Variants in PRKG1 observed in about 807,000 individuals in gnomAD.
The protein encoded by PRKG1 is protein kinase cGMP-dependent 1, also known as cGMP-dependent protein kinase 1.
A neutral mutation model predicts 88.1 loss-of-function variants in PRKG1; 35 were observed. The ratio of observed to expected loss-of-function variants is 0.40; its 90% confidence interval spans 0.30 to 0.53. The LOEUF (loss-of-function observed/expected upper bound fraction) is 0.53. PRKG1 is among the 20% of genes least tolerant of loss of function. PRKG1 has a pLI of 0.59. For synonymous variants in PRKG1, 303 were observed against 292.5 expected, an observed-to-expected ratio of 1.04 and a Z score of -0.37; for missense variants, 540 against 839.8, an observed-to-expected ratio of 0.64 and a Z score of 4.41.
chr10:51,467,849 T>C lies in PRKG1; in HGVS notation c.592+13T>C. On this transcript the variant is annotated intron_variant, in intron 3 of 17. Coordinates refer to ENST00000373980, the MANE Select transcript of PRKG1 (RefSeq NM_006258.4). ...GCGACCGTCAAGAGTAAGACTATTTTCATATTTTTAAAATATTTTCAATGT... is the reference window on the plus strand; with the variant it reads ...GCGACCGTCAAGAGTAAGACTATTTCCATATTTTTAAAATATTTTCAATGT... The C allele has an allele frequency of 6.3e-7, 1 of 1,591,188 alleles. No homozygotes were observed. The highest frequency in any genetic ancestry group is 8.6e-7 in the Non-Finnish European group (1 of 1,159,504).
At chr10:51,688,434 A>AGG (rs1841049264) in intron 3 of PRKG1, among the ~76,000 whole-genome samples, 1 of 152,180 alleles carries the variant, frequency 6.6e-6, no homozygotes, top group African/African-American at 2.4e-5. Flanking sequence ...GTGGAGGTTA[A>AGG]AGGGAGACAA....
intron 4 of PRKG1, among the ~76,000 whole-genome samples, chr10:51,834,756 GAAAAGAAAAGAA>G (rs551029561): frequency 6.6e-5 from 10 of 151,378 alleles, no homozygotes; most frequent in Non-Finnish European, 1.3e-4. Flanking sequence ...GAAAAGAAAG[GAAAAGAAAAGAA>G]AAAAGAAAAG....
intron 9 of PRKG1, among the ~76,000 whole-genome samples, chr10:52,213,525 C>G (rs1047950046): frequency 6.6e-6 from 1 of 152,194 alleles, no homozygotes; most frequent in Non-Finnish European, 1.5e-5. Flanking sequence ...CTAGCTGGAA[C>G]CAGTTCAGAC....
intron 4 of PRKG1, among the ~76,000 whole-genome samples, chr10:51,897,444 G>T (rs1253031645): frequency 6.6e-6 from 1 of 152,120 alleles, no homozygotes; most frequent in Non-Finnish European, 1.5e-5. Context: ...AGAGGACATT[G>T]TTGAACTATT....
intron 4 of PRKG1, among the ~76,000 whole-genome samples, chr10:51,844,792 G>C (rs547447139): frequency 6.6e-6 from 1 of 152,264 alleles, no homozygotes; most frequent in East Asian, 1.9e-4. Context: ...GGGAGACAGA[G>C]GGAGGTGATG....
At chr10:51,508,895 C>T (rs551101134) in intron 3 of PRKG1, among the ~76,000 whole-genome samples, 5 of 152,208 alleles carry the variant, frequency 3.3e-5, no homozygotes, top group East Asian at 1.9e-4. Context: ...ATTATTACAA[C>T]GGTATTGCTA....
At chr10:51,103,856 C>CT (rs1000516168) in intron 1 of PRKG1, among the ~76,000 whole-genome samples, 7 of 152,066 alleles carry the variant, frequency 4.6e-5, no homozygotes, top group African/African-American at 1.4e-4. Context: ...AACTAATTAC[C>CT]TAAAACAGAA....
At chr10:51,227,535 G>A (rs1300993487) in intron 2 of PRKG1, among the ~76,000 whole-genome samples, 3 of 152,022 alleles carry the variant, frequency 2.0e-5, no homozygotes, top group Admixed American at 1.3e-4. Flanking sequence ...TTAGCCACTA[G>A]GAATGTAAAG....
intron 10 of PRKG1, among the ~76,000 whole-genome samples, chr10:52,261,203 AGATATTTCCT>A (rs2132415746): frequency 6.6e-6 from 1 of 152,152 alleles, no homozygotes; most frequent in Non-Finnish European, 1.5e-5. Flanking sequence ...TTAATAAGAT[AGATATTTCCT>A]GATATTTCTG....
intron 2 of PRKG1, among the ~76,000 whole-genome samples, chr10:51,430,386 A>C (rs1342796735): frequency 6.6e-6 from 1 of 152,142 alleles, no homozygotes; most frequent in Non-Finnish European, 1.5e-5. Flanking sequence ...GCACCACTGC[A>C]CTCCAGCCTA....
chr10:51,130,547 T>G (rs1480090851), intron 1 of PRKG1, among the ~76,000 whole-genome samples: 1 of 152,168 alleles, frequency 6.6e-6, no homozygotes, highest in African/African-American at 2.4e-5. Context: ...TTTAACATAT[T>G]TCAGAAAAAT....
intron 2 of PRKG1, among the ~76,000 whole-genome samples, chr10:51,229,926 C>CAAAAAAAAAAAAAAA (rs35300789): frequency 6.0e-5 from 2 of 33,552 alleles, no homozygotes; most frequent in African/African-American, 1.7e-4. Flanking sequence ...GAGGCGATCT[C>CAAAAAAAAAAAAAAA]AAAAAAAAAA....
chr10:51,952,443 G>A (rs572580023), intron 5 of PRKG1, among the ~76,000 whole-genome samples: 2 of 152,096 alleles, frequency 1.3e-5, no homozygotes, highest in Non-Finnish European at 2.9e-5. Flanking sequence ...GGCTCTTTTG[G>A]ACAATACAAT....
chr10:51,205,919 G>T (rs570451671), intron 2 of PRKG1, among the ~76,000 whole-genome samples: 7 of 152,116 alleles, frequency 4.6e-5, no homozygotes, highest in African/African-American at 1.7e-4. Flanking sequence ...ATACTTGTAA[G>T]GGTATACTAA....
chr10:50,995,433 C>T (rs150976027), intron 1 of PRKG1, among the ~76,000 whole-genome samples: 3 of 152,230 alleles, frequency 2.0e-5, no homozygotes, highest in Non-Finnish European at 4.4e-5. Context: ...CGACTTATTG[C>T]GGTACTCATT....
At chr10:51,092,761 T>C (rs1589146829) in intron 1 of PRKG1, among the ~76,000 whole-genome samples, 3 of 152,182 alleles carry the variant, frequency 2.0e-5, no homozygotes, top group Admixed American at 6.5e-5. Flanking sequence ...CACTGGAGAC[T>C]GATAAAGGAA....
At chr10:51,639,231 G>C (rs900310962) in intron 3 of PRKG1, among the ~76,000 whole-genome samples, 1 of 151,760 alleles carries the variant, frequency 6.6e-6, no homozygotes, top group African/African-American at 2.4e-5. Context: ...TGAGGAGATC[G>C]AGACCATCCT....
chr10:51,856,967 A>T (rs12773748), intron 4 of PRKG1, among the ~76,000 whole-genome samples: 1,336 of 44,796 alleles, frequency 0.03, 19 homozygotes, highest in African/African-American at 0.064. Context: ...CCGTCTTACT[A>T]AAAAAAAGAA....
chr10:51,684,137 G>T (rs1435781493), intron 3 of PRKG1, among the ~76,000 whole-genome samples: 2 of 152,132 alleles, frequency 1.3e-5, no homozygotes, highest in African/African-American at 4.8e-5. Context: ...ACTGGTGAAT[G>T]AATAAATAAA....
Sources: gnomAD v4.1 joint callset for allele counts (sites outside exome capture counted in the v4.1 genomes callset) on GRCh38, gnomAD v4.1.1 for gene constraint, MANE v1.5 for transcripts, NCBI Gene and HGNC (gene_info 2026-07-23, HGNC 2026-07-21) for gene names.